Variants in SNRPN observed in about 807,000 individuals in gnomAD.
The protein encoded by SNRPN is small nuclear ribonucleoprotein polypeptide N.
In SNRPN, 7 loss-of-function variants were observed where a neutral mutation model predicts 25.2. The observed-to-expected ratio is 0.28, with a 90% CI of 0.16 to 0.52. The LOEUF (loss-of-function observed/expected upper bound fraction) is 0.52. SNRPN is among the 20% of genes least tolerant of loss of function. The probability of loss-of-function intolerance (pLI) is 0.96; values close to 1 mark genes in which losing one functional copy is unlikely to be tolerated. For missense variants in SNRPN, 196 were observed against 322.5 expected (o/e 0.61, Z 3.00); for synonymous variants, 124 against 110.6 (o/e 1.12, Z -0.76).
intron 2 of SNRPN, among the ~76,000 whole-genome samples, chr15:24,896,517 C>T (rs939956749): frequency 2.6e-4 from 39 of 151,896 alleles, no homozygotes; most frequent in African/African-American, 3.1e-4. Flanking sequence ...GAGACCCCCC[C>T]GCCGGCTAAC....
At chr15:24,826,549 C>A (rs1157989571) in intron 1 of SNRPN, among the ~76,000 whole-genome samples, 2 of 152,066 alleles carry the variant, frequency 1.3e-5, no homozygotes, top group East Asian at 3.9e-4. Context: ...TGGATTCATA[C>A]CTTCTGAAAT....
At chr15:24,824,981 A>C (rs1440898509) in intron 1 of SNRPN, among the ~76,000 whole-genome samples, 1 of 152,138 alleles carries the variant, frequency 6.6e-6, no homozygotes, top group Non-Finnish European at 1.5e-5. Flanking sequence ...ATTCAATAGC[A>C]AATGGCTGTT....
intron 1 of SNRPN, among the ~76,000 whole-genome samples, chr15:24,872,680 A>G (rs371703735): frequency 2.0e-5 from 2 of 100,846 alleles, no homozygotes; most frequent in South Asian, 4.1e-4. Context: ...TGGGAAGCAG[A>G]GGTTGTGGTG....
intron 1 of SNRPN, among the ~76,000 whole-genome samples, chr15:24,828,475 AG>A: frequency 6.6e-6 from 1 of 152,202 alleles, no homozygotes; most frequent in Non-Finnish European, 1.5e-5. Context: ...TGAACCCGGG[AG>A]GCGGAGCTTG....
Position 24,966,002 on chromosome 15 carries a change from TTAGAGTA to T in SNRPN, c.-294-1927_-294-1921del, listed in dbSNP as rs201282448. Among the ~76,000 whole-genome samples the T allele has an allele frequency of 4.7e-4, 72 of 152,262 alleles. 1 individual carries two copies. The East Asian group carries it at 0.013, about 29-fold the overall frequency. ...ATTTATTCAGTGATTAGACTATGAA[TTAGAGTA>T]TAAAGTAGACTATGAATTAGAGTGT... On this transcript the variant is annotated intron_variant, in intron 2 of 9. Coordinates refer to ENST00000390687, the MANE Select transcript of SNRPN (RefSeq NM_003097.6).
At chr15:24,972,039 T>C (rs1374119268) in intron 3 of SNRPN, among the ~76,000 whole-genome samples, 1 of 152,116 alleles carries the variant, frequency 6.6e-6, no homozygotes, top group Non-Finnish European at 1.5e-5. Context: ...GCAGGTCACC[T>C]GAAGTCAGGA....
intron 2 of SNRPN, among the ~76,000 whole-genome samples, chr15:24,847,195 T>G (rs1052706446): frequency 9.9e-5 from 15 of 152,088 alleles, no homozygotes; most frequent in African/African-American, 3.4e-4. Flanking sequence ...CACTGTGGTT[T>G]GAGGAATGAG....
intron 1 of SNRPN, among the ~76,000 whole-genome samples, chr15:24,863,742 G>T (rs2054241982): frequency 6.6e-6 from 1 of 150,642 alleles, no homozygotes. Context: ...AGCCACCCCT[G>T]CATGTTCATA....
chr15:24,876,495 T>A (rs1231624920), intron 1 of SNRPN, among the ~76,000 whole-genome samples: 4 of 151,064 alleles, frequency 2.6e-5, no homozygotes, highest in African/African-American at 4.9e-5. Flanking sequence ...CGTGCGCCTG[T>A]AATCCAAGCT....
chr15:24,926,068 C>A (rs961768501), intron 3 of SNRPN, among the ~76,000 whole-genome samples: 3 of 152,076 alleles, frequency 2.0e-5, no homozygotes, highest in Non-Finnish European at 4.4e-5. Context: ...GAGATGGGAT[C>A]TAACTATGTT....
intron 2 of SNRPN, among the ~76,000 whole-genome samples, chr15:24,889,360 T>C (rs1044823108): frequency 1.3e-5 from 2 of 152,082 alleles, no homozygotes; most frequent in Admixed American, 6.5e-5. Context: ...TGGAGTTCAA[T>C]GGCACGATCT....
At chr15:24,954,398 G>C (rs2062519162), upstream of SNRPN, among the ~76,000 whole-genome samples, 1 of 152,122 alleles carries the variant, frequency 6.6e-6, no homozygotes. Flanking sequence ...TATCCATTCC[G>C]TATAGGAGAG....
In SNRPN at chr15:24,975,346, T is replaced by A. The variant is rs778906384; in HGVS notation, c.4-12T>A. On this transcript the variant is annotated splice_polypyrimidine_tract_variant and intron_variant, in intron 4 of 9. Transcript: ENST00000390687. ...GGCAAGCTGAACATGACTCTTGTCT[T>A]ACTGCTTCTAGACTGTTGGCAAGAG... is the stretch of plus-strand genomic sequence containing the variant. 2.8e-5 allele frequency: 45 copies of A among 1,610,234 alleles called. No homozygotes were observed. Among genetic ancestry groups the A allele is most frequent in the Non-Finnish European group, 3.7e-5 (43 of 1,177,370 alleles).
chr15:24,833,050 A>C (rs2050695343), intron 2 of SNRPN, among the ~76,000 whole-genome samples: 1 of 134,410 alleles, frequency 7.4e-6, no homozygotes, highest in Non-Finnish European at 1.5e-5. Context: ...GCTTGCAGTG[A>C]GCCAAGATTG....
At chr15:24,832,592 C>A (rs55748632) in intron 2 of SNRPN, among the ~76,000 whole-genome samples, 3,395 of 152,088 alleles carry the variant, frequency 0.022, 146 homozygotes, top group African/African-American at 0.078. Flanking sequence ...AAGCTGGTAA[C>A]CCCAGCCAGC....
At chr15:24,840,598 TG>T (rs1480120815) in intron 2 of SNRPN, among the ~76,000 whole-genome samples, 1 of 152,138 alleles carries the variant, frequency 6.6e-6, no homozygotes, top group Non-Finnish European at 1.5e-5. Flanking sequence ...CCATTCAAAG[TG>T]TGTGGCTTTA....
upstream of SNRPN, chr15:24,954,873 TG>T (rs1596136460): frequency 2.4e-6 from 2 of 844,702 alleles, no homozygotes; most frequent in Non-Finnish European, 3.7e-6. Context: ...GGGAGGGAGC[TG>T]GGACCCCTGC....
intron 1 of SNRPN, among the ~76,000 whole-genome samples, chr15:24,874,085 C>T (rs2055557475): frequency 6.6e-6 from 1 of 151,070 alleles, no homozygotes; most frequent in African/African-American, 2.4e-5. Flanking sequence ...CCAAGGCTGG[C>T]AGATCACGAG....
At chr15:24,856,224 T>C (rs2053368942), upstream of SNRPN, among the ~76,000 whole-genome samples, 1 of 152,180 alleles carries the variant, frequency 6.6e-6, no homozygotes, top group Admixed American at 6.5e-5. Flanking sequence ...ATATTCTCAG[T>C]TGTCCCTTGA....
Sources: gnomAD v4.1 joint callset for allele counts (sites outside exome capture counted in the v4.1 genomes callset) on GRCh38, gnomAD v4.1.1 for gene constraint, MANE v1.5 for transcripts, NCBI Gene and HGNC (gene_info 2026-07-23, HGNC 2026-07-21) for gene names.